The following HPSE2 variants were observed in gnomAD, a reference collection of about 807,000 sequenced individuals.
HPSE2 encodes heparanase 2 (inactive), also known as inactive heparanase-2.
In HPSE2, 38 loss-of-function variants were observed where a neutral mutation model predicts 60.5. The observed-to-expected ratio is 0.63, with a 90% CI of 0.48 to 0.82. HPSE2 has a LOEUF of 0.82. Among genes scored for constraint, HPSE2 ranks in the 40% least tolerant of loss-of-function variants. The pLI is 0.00. For synonymous variants in HPSE2, 295 were observed against 293.2 expected (o/e 1.01, Z -0.06); for missense variants, 713 against 740.4 (o/e 0.96, Z 0.43).
intron 3 of HPSE2, among the ~76,000 whole-genome samples, chr10:98,770,470 A>T (rs1173656522): frequency 6.6e-6 from 1 of 152,234 alleles, no homozygotes; most frequent in Non-Finnish European, 1.5e-5. Context: ...CCAAGGTCAC[A>T]CTTCCCATGA....
Position 99,152,978 on chromosome 10 carries a change from G to C in HPSE2, c.449-8579C>G, listed in dbSNP as rs201974994. Among the ~76,000 whole-genome samples the C allele has an allele frequency of 3.3e-5, 5 of 152,366 alleles. No homozygotes were observed. In the East Asian group the frequency reaches 5.8e-4, roughly 18 times the overall value. ...CAGGGAGTTCCCTTTCCGAGTCAAA[G>C]AAAGGGGTGACAGAGGGCACCTGGA... On this transcript the variant is annotated intron_variant, in intron 2 of 11. Coordinates refer to ENST00000370552, the MANE Select transcript of HPSE2 (RefSeq NM_021828.5).
At chr10:99,216,188 CTTTT>C (rs550046406) in intron 2 of HPSE2, among the ~76,000 whole-genome samples, 4 of 97,650 alleles carry the variant, frequency 4.1e-5, no homozygotes, top group Non-Finnish European at 7.4e-5. Context: ...ATAACCTAAA[CTTTT>C]TTTTTTTTTT....
At chr10:99,074,988 T>A (rs1320883315) in intron 3 of HPSE2, among the ~76,000 whole-genome samples, 1 of 152,134 alleles carries the variant, frequency 6.6e-6, no homozygotes, top group Non-Finnish European at 1.5e-5. Flanking sequence ...GTTGCTCTTT[T>A]TAAACAAACC....
At chr10:99,119,202 T>C (rs1009076352) in intron 3 of HPSE2, among the ~76,000 whole-genome samples, 33 of 151,948 alleles carry the variant, frequency 2.2e-4, no homozygotes, top group Non-Finnish European at 4.4e-4. Flanking sequence ...GAAAAACCCA[T>C]AGTCTCATCT....
At chr10:99,069,203 T>G (rs1420351432) in intron 3 of HPSE2, among the ~76,000 whole-genome samples, 1 of 152,090 alleles carries the variant, frequency 6.6e-6, no homozygotes, top group East Asian at 1.9e-4. Flanking sequence ...AAGTCTGAGT[T>G]TCTTAAGGCT....
chr10:99,227,394 A>G (rs1589844152), intron 2 of HPSE2, among the ~76,000 whole-genome samples: 1 of 152,162 alleles, frequency 6.6e-6, no homozygotes, highest in East Asian at 1.9e-4. Flanking sequence ...CAAGGTAGAA[A>G]CAGATACAAT....
chr10:99,233,985 A>AT (rs1032876745), intron 1 of HPSE2, among the ~76,000 whole-genome samples: 3 of 152,202 alleles, frequency 2.0e-5, no homozygotes, highest in Non-Finnish European at 2.9e-5. Context: ...GAACAGGCAG[A>AT]TTTTTTAAAA....
At position 98,798,149 on chromosome 10, in the gene HPSE2, C is replaced by G. The variant is rs184840944; in HGVS notation, c.611-54093G>C. On this transcript the variant is annotated intron_variant, in intron 3 of 11. Transcript: ENST00000370552. ...CAGATTTTTCAGTGGAAACCTCACA[C>G]TCCAGGAGAAGAGGAGCATGACATA... Among the ~76,000 whole-genome samples the G allele has an allele frequency of 8.6e-4, 131 of 152,168 alleles. 2 individuals carry two copies. The East Asian group carries it at 0.023, about 27-fold the overall frequency.
At chr10:99,081,527 C>T (rs747298138) in intron 3 of HPSE2, among the ~76,000 whole-genome samples, 7 of 151,796 alleles carry the variant, frequency 4.6e-5, no homozygotes, top group Non-Finnish European at 1.0e-4. Context: ...TGGATATACT[C>T]GGCACTCACT....
At chr10:98,540,540 T>C (rs1461769541) in intron 9 of HPSE2, among the ~76,000 whole-genome samples, 2 of 152,172 alleles carry the variant, frequency 1.3e-5, no homozygotes. Context: ...CAAGAGCATA[T>C]TAACAAAGCA....
intron 3 of HPSE2, among the ~76,000 whole-genome samples, chr10:99,088,073 G>A (rs1345601963): frequency 4.0e-5 from 6 of 150,878 alleles, no homozygotes; most frequent in East Asian, 1.9e-4. Flanking sequence ...ACATGCTCAC[G>A]GCTCATGGAT....
intron 3 of HPSE2, among the ~76,000 whole-genome samples, chr10:98,977,711 C>A (rs1045610042): frequency 1.1e-4 from 16 of 152,002 alleles, no homozygotes; most frequent in African/African-American, 3.4e-4. Flanking sequence ...CATGAGACTA[C>A]AATAACTTTT....
At chr10:98,612,986 G>A (rs1410188844) in intron 9 of HPSE2, among the ~76,000 whole-genome samples, 1 of 152,122 alleles carries the variant, frequency 6.6e-6, no homozygotes, top group African/African-American at 2.4e-5. Flanking sequence ...TGCCAAGTTT[G>A]TTCCTGCCTC....
intron 6 of HPSE2, among the ~76,000 whole-genome samples, chr10:98,654,627 T>C (rs1947009081): frequency 6.6e-6 from 1 of 152,248 alleles, no homozygotes; most frequent in Admixed American, 6.5e-5. Context: ...TATTTTTGCA[T>C]GTTGTCTACT....
At chr10:98,600,866 C>CGT (rs1565002647) in intron 9 of HPSE2, among the ~76,000 whole-genome samples, 4 of 98,400 alleles carry the variant, frequency 4.1e-5, no homozygotes. Flanking sequence ...TATATATATA[C>CGT]GTATATATGT....
chr10:98,614,482 C>T (rs895706526), intron 9 of HPSE2, among the ~76,000 whole-genome samples: 5 of 151,934 alleles, frequency 3.3e-5, no homozygotes, highest in Non-Finnish European at 7.4e-5. Context: ...TTAGTGGAGA[C>T]GGGGTTTCAC....
At chr10:99,068,876 T>C (rs1842698182) in intron 3 of HPSE2, among the ~76,000 whole-genome samples, 1 of 152,064 alleles carries the variant, frequency 6.6e-6, no homozygotes, top group African/African-American at 2.4e-5. Context: ...TTGGGTGAAA[T>C]GAACAAATTC....
chr10:99,009,051 T>C (rs1454483601), intron 3 of HPSE2, among the ~76,000 whole-genome samples: 1 of 151,994 alleles, frequency 6.6e-6, no homozygotes, highest in Non-Finnish European at 1.5e-5. Flanking sequence ...AATCTGCATT[T>C]TTGGTTCAAT....
intron 4 of HPSE2, among the ~76,000 whole-genome samples, chr10:98,724,900 A>C (rs575083219): frequency 3.5e-4 from 54 of 152,286 alleles, no homozygotes; most frequent in Middle Eastern, 3.4e-3. Flanking sequence ...TGCTTCAAAG[A>C]GAATAAAATA....
Sources: allele counts gnomAD v4.1 joint callset (sites outside exome capture counted in the v4.1 genomes callset), GRCh38; gene constraint gnomAD v4.1.1; transcripts MANE v1.5; gene names NCBI Gene and HGNC (gene_info 2026-07-23, HGNC 2026-07-21).